ZZEF1: variants seen among roughly 807,000 people sequenced by gnomAD.
ZZEF1 encodes zinc finger ZZ-type and EF-hand domain containing 1.
A neutral mutation model predicts 342.8 loss-of-function variants in ZZEF1; 157 were observed. The ratio of observed to expected loss-of-function variants is 0.46; its 90% CI spans 0.40 to 0.52. ZZEF1 has a LOEUF of 0.52. ZZEF1 is among the 20% of genes least tolerant of loss of function. The pLI is 0.00. For missense variants in ZZEF1, 3,480 were observed against 3,725.6 expected, an observed-to-expected ratio of 0.93 and a Z score of 1.72; for synonymous variants, 1,505 against 1,429.1, an observed-to-expected ratio of 1.05 and a Z score of -1.20.
Position 4,017,608 on chromosome 17 carries a change from G to A in ZZEF1, c.7764C>T (p.Ala2588=), listed in dbSNP as rs765321519. The A allele has an allele frequency of 4.0e-5, 64 of 1,614,104 alleles. No individual in the cohort carries two copies. Among genetic ancestry groups the A allele is most frequent in the Non-Finnish European group, 5.1e-5 (60 of 1,180,054 alleles). ...AGTTCAGCTCCTTGTGCAGGAGGGC[G>A]GCGCTCTTGCTACGGCGCTGCTTGG... ...SYAKQRRSKS[A]ALLHKELNCK... is the part of the protein sequence containing the mutation. The change falls in exon 48 of 55, where the codon GCC becomes GCT. Residue 2588 remains alanine (A), a synonymous_variant. Transcript: ENST00000381638. This position sits in a 1 kb window ranked among gnomAD's most constrained non-coding sequence, Gnocchi z 5.1.
intron 2 of ZZEF1, among the ~76,000 whole-genome samples, chr17:4,122,586 G>A (rs1310060099): frequency 6.6e-6 from 1 of 152,052 alleles, no homozygotes; most frequent in East Asian, 1.9e-4. Context: ...CTCCATGTTG[G>A]TCAGGCTGGT....
At chr17:4,046,035 G>A (rs978049748) in intron 37 of ZZEF1, among the ~76,000 whole-genome samples, 2 of 152,102 alleles carry the variant, frequency 1.3e-5, no homozygotes, top group Non-Finnish European at 2.9e-5. Context: ...CACTGTGTTA[G>A]CCAGGATGGT....
At position 4,042,277 on chromosome 17, in the gene ZZEF1, T is replaced by C. The variant is rs1184473926; in HGVS notation, c.6306+152A>G. ...CACACACACATATATATTTACAAAA[T>C]ATAGGAAGGGTCAGAAGAAAATAAT... On this transcript the variant is annotated intron_variant, in intron 39 of 54. Coordinates refer to ENST00000381638, the MANE Select transcript of ZZEF1 (RefSeq NM_015113.4). 4.3e-5 allele frequency: 32 copies of C among 748,182 alleles called. 1 individual carries two copies. In the South Asian group the frequency reaches 5.7e-4, roughly 13 times the overall value. The allele number at this position is 748,182 out of a possible 1,614,324, so 46.3% of individuals were successfully genotyped here. A position where few individuals can be genotyped will look rare whatever the true frequency, so the allele number is the denominator to read the frequency against.
chr17:4,032,234 C>G lies in ZZEF1; in HGVS notation c.6784G>C (p.Val2262Leu). 1 of 1,613,472 alleles carries G rather than the reference C, an allele frequency of 6.2e-7. No individual in the cohort carries two copies. ...PQVLCVGTRC[V>L]YMDNANEPHN... ...GGTTCATTGGCATTATCCATATAAA[C>G]GCAGCGGGTTCCCACACAGAGGACC... The change falls in exon 42 of 55, where the codon GTT (valine) becomes CTT (leucine). Residue 2262 changes from valine to leucine, a missense_variant. This residue lies in a region of ZZEF1 where 1,269 missense variants were observed against 1,342.4 expected (regional missense o/e 0.95). Coordinates refer to ENST00000381638, the MANE Select transcript of ZZEF1 (RefSeq NM_015113.4).
At chr17:4,101,790 C>A (rs1040604110) in intron 9 of ZZEF1, among the ~76,000 whole-genome samples, 2 of 152,112 alleles carry the variant, frequency 1.3e-5, no homozygotes, top group Non-Finnish European at 2.9e-5. Flanking sequence ...ACCACAACAG[C>A]TAATTTTTGT....
chr17:4,034,432 T>C (rs1468335169), intron 39 of ZZEF1, 140 bp from the exon 40 acceptor site: 2 of 774,240 alleles, frequency 2.6e-6, no homozygotes, highest in Non-Finnish European at 4.1e-6. Flanking sequence ...AAATGCCATA[T>C]GTATAATCAC....
At chr17:4,112,855 G>A in intron 4 of ZZEF1, 47 bp from the exon 5 acceptor site, 1 of 1,461,216 alleles carries the variant, frequency 6.8e-7, no homozygotes, top group Non-Finnish European at 9.1e-7. Context: ...TAGGAGTCAA[G>A]AACTGACAGG....
At chr17:4,114,814 A>C (rs1567854131) in intron 3 of ZZEF1, among the ~76,000 whole-genome samples, 1 of 152,226 alleles carries the variant, frequency 6.6e-6, no homozygotes, top group Admixed American at 6.5e-5. Flanking sequence ...CATGCCGAGA[A>C]GAAAATGGTA....
At chr17:4,107,331 C>T (rs896868284) in intron 6 of ZZEF1, among the ~76,000 whole-genome samples, 1 of 152,130 alleles carries the variant, frequency 6.6e-6, no homozygotes, top group Non-Finnish European at 1.5e-5. Flanking sequence ...GAAACCTCTT[C>T]CTTTTCCTGA....
At chr17:4,060,326 A>G (rs958204092) in intron 30 of ZZEF1, among the ~76,000 whole-genome samples, 1 of 152,202 alleles carries the variant, frequency 6.6e-6, no homozygotes, top group Non-Finnish European at 1.5e-5. Context: ...TCACTTAGGG[A>G]GGCTGAGCCG....
In ZZEF1 at chr17:4,042,442, G is replaced by A; in HGVS notation, c.6293C>T (p.Pro2098Leu). 1 of 1,613,092 alleles carries A rather than the reference G, an allele frequency of 6.2e-7. No homozygotes were observed. Among genetic ancestry groups the A allele is most frequent in the Non-Finnish European group, 8.5e-7 (1 of 1,179,750 alleles). The change falls in exon 39 of 55, where the codon CCT becomes CTT. Residue 2098 changes from proline (P) to leucine (L), a missense_variant. Around this residue, in one of 5 missense-constraint regions of ZZEF1, gnomAD observed 1,269 missense variants for 1,342.4 expected, o/e 0.95. Transcript: ENST00000381638. Reference sequence around the variant, plus strand: ...AATTGCCCTTACCGACTTTAAGGGAGGTAACATGGCTGCTAGTAATCCCAA... The same window carrying A: ...AATTGCCCTTACCGACTTTAAGGGAAGTAACATGGCTGCTAGTAATCCCAA... Reference protein sequence around the residue: ...RILGLLAAMLPPLKSGPTVPL... With the variant: ...RILGLLAAMLLPLKSGPTVPL...
At position 4,034,247 on chromosome 17, in the gene ZZEF1, T is replaced by A; in HGVS notation, c.6352A>T (p.Met2118Leu). The change falls in exon 40 of 55, where the codon ATG becomes TTG. Residue 2118 changes from methionine (M) to leucine (L), a missense_variant. This residue lies in a region of ZZEF1 where 1,269 missense variants were observed against 1,342.4 expected (regional missense o/e 0.95). Coordinates refer to ENST00000381638, the MANE Select transcript of ZZEF1 (RefSeq NM_015113.4). ...LIDLEHVLPL[M>L]FQVVISNAGH... ...GCGTTTGAGATGACAACCTGAAACA[T>A]GAGTGGAAGGACGTGCTCCAGGTCT... 6.2e-7 allele frequency: 1 copy of A among 1,614,118 alleles called. No individual in the cohort carries two copies. The highest frequency in any genetic ancestry group is 8.5e-7 in the Non-Finnish European group (1 of 1,180,016).
intron 9 of ZZEF1, among the ~76,000 whole-genome samples, chr17:4,099,758 C>G (rs2058095693): frequency 6.6e-6 from 1 of 152,060 alleles, no homozygotes; most frequent in Non-Finnish European, 1.5e-5. Context: ...GTTGGCCAGG[C>G]TGGTCTCGAA....
intron 1 of ZZEF1, among the ~76,000 whole-genome samples, chr17:4,133,809 C>A (rs745632343): frequency 7.8e-4 from 119 of 151,768 alleles, no homozygotes; most frequent in Non-Finnish European, 1.4e-3. Flanking sequence ...GCAGCCTTGA[C>A]CTCCTAGGTT....
chr17:4,142,751 C>G lies in ZZEF1; in HGVS notation c.145G>C (p.Ala49Pro). ...VAAPALPPAA[A>P]LLEPARLREA... is the part of the protein sequence containing the mutation. ...CGCAGCCTGGCCGGCTCCAGCAGCGCCGCGGCGGGTGGTAGCGCTGGAGCC... is the reference window on the plus strand; with the variant it reads ...CGCAGCCTGGCCGGCTCCAGCAGCGGCGCGGCGGGTGGTAGCGCTGGAGCC... Residue 49 changes from alanine to proline, a missense_variant, in exon 1 of 55, where the codon GCG becomes CCG. Coordinates refer to ENST00000381638, the MANE Select transcript of ZZEF1 (RefSeq NM_015113.4). 1 of 1,487,452 alleles carries G rather than the reference C, an allele frequency of 6.7e-7. No homozygotes were observed. Among genetic ancestry groups the G allele is most frequent in the Non-Finnish European group, 8.9e-7 (1 of 1,124,772 alleles). 92.1% of individuals were successfully genotyped at this position (1,487,452 alleles called of 1,614,324 possible).
At chr17:4,117,564 C>T (rs2058416030) in intron 2 of ZZEF1, among the ~76,000 whole-genome samples, 1 of 146,624 alleles carries the variant, frequency 6.8e-6, no homozygotes, top group Non-Finnish European at 1.5e-5. Flanking sequence ...AGGAGAATCG[C>T]TTGAACTCAG....
At chr17:4,046,958 T>C (rs1249114428) in intron 37 of ZZEF1, among the ~76,000 whole-genome samples, 1 of 152,186 alleles carries the variant, frequency 6.6e-6, no homozygotes, top group East Asian at 1.9e-4. Flanking sequence ...TGATCTGTCC[T>C]AGGGGCCCCA....
intron 37 of ZZEF1, among the ~76,000 whole-genome samples, chr17:4,048,677 A>G (rs1434444647): frequency 6.6e-6 from 1 of 152,186 alleles, no homozygotes; most frequent in African/African-American, 2.4e-5. Flanking sequence ...AAATACAGCT[A>G]CACCGATACA....
At position 4,098,553 on chromosome 17, in the gene ZZEF1, T is replaced by G. The variant is rs144783369; in HGVS notation, c.1673-1853A>C. 6.6e-3 allele frequency among the ~76,000 whole-genome samples: 1,009 copies of G among 152,352 alleles called. 14 individuals carry two copies. Among genetic ancestry groups the G allele is most frequent in the African/African-American group, 0.023 (955 of 41,588 alleles). ...TTTAACAACTCATGAAAAAGTCTTC[T>G]GCTAGACCCAAGGTTGCCTTTCTCT... On this transcript the variant is annotated intron_variant, in intron 9 of 54. Coordinates refer to ENST00000381638, the MANE Select transcript of ZZEF1 (RefSeq NM_015113.4).
Sources: gnomAD v4.1 joint callset for allele counts (sites outside exome capture counted in the v4.1 genomes callset) on GRCh38, gnomAD v4.1.1 for gene constraint, gnomAD v4.1.1 regional missense constraint, Gnocchi (gnomAD v3.1) non-coding constraint, MANE v1.5 for transcripts, NCBI Gene and HGNC (gene_info 2026-07-23, HGNC 2026-07-21) for gene names.